TPRG1: variants seen among roughly 807,000 people sequenced by gnomAD.
TPRG1 encodes the protein tumor protein p63-regulated gene 1 protein.
In TPRG1, 29 loss-of-function variants were observed where a neutral mutation model predicts 29.3. The ratio of observed to expected loss-of-function variants is 0.99; its 90% CI spans 0.74 to 1.35. The LOEUF is 1.35. Ranked by LOEUF, TPRG1 falls within the 40% of genes most tolerant of loss-of-function variation. The pLI is 0.00. For synonymous variants in TPRG1, 130 were observed against 116.8 expected, an observed-to-expected ratio of 1.11 and a Z score of -0.73; for missense variants, 327 against 335.0, an observed-to-expected ratio of 0.98 and a Z score of 0.19.
intron 3 of TPRG1, among the ~76,000 whole-genome samples, chr3:189,216,750 A>G (rs183294680): frequency 1.4e-3 from 220 of 152,338 alleles, no homozygotes; most frequent in African/African-American, 5.1e-3. Flanking sequence ...TAATGAAAAG[A>G]AAACTCTGCA....
intron 5 of TPRG1, among the ~76,000 whole-genome samples, chr3:189,165,546 TATG>T (rs1470385500): frequency 1.3e-5 from 2 of 152,058 alleles, no homozygotes; most frequent in South Asian, 2.1e-4. Flanking sequence ...GCATTTTTAA[TATG>T]AGGTTCTCAG....
intron 4 of TPRG1, among the ~76,000 whole-genome samples, chr3:189,281,693 A>G (rs901967291): frequency 5.3e-5 from 8 of 152,102 alleles, no homozygotes; most frequent in Non-Finnish European, 1.2e-4. Flanking sequence ...AAGCTATGGT[A>G]AGCTTGTTTT....
In TPRG1 at chr3:189,132,839, T is replaced by C. The variant is rs1723251903; in HGVS notation, c.-291+142T>C. ...GATGGTCTTCAGTTCCAGTGTAGTA[T>C]GTCTATTTTTCCTCAAATAATGTAA... On this transcript the variant is annotated intron_variant, in intron 3 of 6. Transcript: ENST00000412373. 3 of 152,344 alleles carry C rather than the reference T, an allele frequency of 2.0e-5. No individual in the cohort carries two copies. In the South Asian group the frequency reaches 6.2e-4, roughly 32 times the overall value. The allele number at this position is 152,344 out of a possible 1,614,324, so 9.4% of individuals were successfully genotyped here.
chr3:189,147,274 C>T (rs762314340), intron 3 of TPRG1, among the ~76,000 whole-genome samples: 3 of 152,132 alleles, frequency 2.0e-5, no homozygotes, highest in African/African-American at 2.4e-5. Flanking sequence ...CAGAATCTTT[C>T]GGCCTCACAT....
At chr3:189,280,631 G>A (rs1269323333) in intron 4 of TPRG1, among the ~76,000 whole-genome samples, 1 of 152,062 alleles carries the variant, frequency 6.6e-6, no homozygotes, top group East Asian at 1.9e-4. Flanking sequence ...GCTTGGGGAA[G>A]GTAAAGGGAA....
At chr3:189,001,057 T>A (rs1711995994) in intron 2 of TPRG1, 1 of 152,130 alleles carries the variant, frequency 6.6e-6, no homozygotes, top group Non-Finnish European at 1.5e-5. Flanking sequence ...TATGTGTAAG[T>A]CCTCTAAATT....
chr3:189,188,438 G>A (rs1308205477), intron 1 of TPRG1, among the ~76,000 whole-genome samples: 5 of 152,176 alleles, frequency 3.3e-5, no homozygotes, highest in South Asian at 2.1e-4. Context: ...TTCTAGGTCC[G>A]ATGGGTGTGG....
chr3:189,282,024 G>T (rs1459609374), intron 4 of TPRG1, among the ~76,000 whole-genome samples: 1 of 151,598 alleles, frequency 6.6e-6, no homozygotes, highest in Non-Finnish European at 1.5e-5. Flanking sequence ...GGGACTATAG[G>T]CACCCACCAC....
At chr3:189,048,821 C>T (rs1332665112) in intron 4 of TPRG1, among the ~76,000 whole-genome samples, 1 of 152,186 alleles carries the variant, frequency 6.6e-6, no homozygotes, top group African/African-American at 2.4e-5. Flanking sequence ...GTGAGTGCCC[C>T]AACTGCAGAA....
At chr3:189,050,406 C>T (rs1263144918) in intron 4 of TPRG1, among the ~76,000 whole-genome samples, 1 of 152,136 alleles carries the variant, frequency 6.6e-6, no homozygotes, top group Non-Finnish European at 1.5e-5. Flanking sequence ...ATAACCTGAA[C>T]AGACCGATAA....
At chr3:189,023,454 C>T (rs1262917820) in intron 3 of TPRG1, among the ~76,000 whole-genome samples, 1 of 152,178 alleles carries the variant, frequency 6.6e-6, no homozygotes, top group Non-Finnish European at 1.5e-5. Context: ...GCTCCTTTAA[C>T]TTAGCGAAGT....
intron 1 of TPRG1, among the ~76,000 whole-genome samples, chr3:189,186,723 G>A (rs1176374725): frequency 1.3e-5 from 2 of 150,878 alleles, no homozygotes; most frequent in Admixed American, 1.3e-4. Flanking sequence ...ATTGAGATGG[G>A]GGCAAGTAGT....
chr3:189,140,003 A>G (rs192994563), intron 3 of TPRG1, among the ~76,000 whole-genome samples: 1 of 152,314 alleles, frequency 6.6e-6, no homozygotes, highest in East Asian at 1.9e-4. Context: ...CTGTCCAAAG[A>G]CATACTTGGT....
At chr3:189,271,746 A>T (rs573818468) in intron 4 of TPRG1, among the ~76,000 whole-genome samples, 22 of 152,346 alleles carry the variant, frequency 1.4e-4, no homozygotes, top group African/African-American at 4.8e-4. Context: ...TTACAGAGAC[A>T]TGGACGACTG....
rs1736014153 is a variant in TPRG1 at position 189,216,013 on chromosome 3, C to T, written c.302+630C>T. Among the ~76,000 whole-genome samples the T allele has an allele frequency of 1.3e-5, 2 of 152,126 alleles. 1 individual carries two copies. Among genetic ancestry groups the T allele is most frequent in the South Asian group, 4.1e-4 (2 of 4,832 alleles). ...CCACAAAGATGGTTACCTTTCTAGCCTTCTCAGAAATTCTGTTGTTTGTGT... is the reference window on the plus strand; with the variant it reads ...CCACAAAGATGGTTACCTTTCTAGCTTTCTCAGAAATTCTGTTGTTTGTGT... On this transcript the variant is annotated intron_variant, in intron 3 of 5. Coordinates refer to ENST00000345063, the MANE Select transcript of TPRG1 (RefSeq NM_198485.4).
At chr3:188,999,205 GAA>G in intron 1 of TPRG1, among the ~76,000 whole-genome samples, 1 of 152,246 alleles carries the variant, frequency 6.6e-6, no homozygotes, top group Non-Finnish European at 1.5e-5. Context: ...AGTGGAGAAG[GAA>G]AGTGGTTGAA....
chr3:189,298,982 C>T (rs931065650), intron 4 of TPRG1, among the ~76,000 whole-genome samples: 4 of 151,860 alleles, frequency 2.6e-5, no homozygotes, highest in Admixed American at 1.3e-4. Context: ...TCTAACTGCC[C>T]GTGTATGTAT....
In TPRG1 at chr3:189,038,410, G is replaced by A. The variant is rs189291682; in HGVS notation, c.-463+14464G>A. ...TAATAAATCAATGGAGGAAAGATAG[G>A]CTTTTTAAAAGCATATAGTATTGGC... On this transcript the variant is annotated intron_variant, in intron 4 of 10. Coordinates refer to the TPRG1 transcript ENST00000433971. Among the ~76,000 whole-genome samples the A allele has an allele frequency of 5.9e-3, 897 of 152,136 alleles. 15 individuals are homozygous for A. The highest frequency in any genetic ancestry group is 0.021 in the African/African-American group (879 of 41,512).
chr3:189,166,580 T>G (rs1313105104), intron 5 of TPRG1, among the ~76,000 whole-genome samples: 1 of 152,216 alleles, frequency 6.6e-6, no homozygotes, highest in Non-Finnish European at 1.5e-5. Flanking sequence ...TACAGAGAAA[T>G]GCATAATACC....
Sources: allele counts gnomAD v4.1 joint callset (sites outside exome capture counted in the v4.1 genomes callset), GRCh38; gene constraint gnomAD v4.1.1; transcripts MANE v1.5; gene names NCBI Gene and HGNC (gene_info 2026-07-23, HGNC 2026-07-21).